Variants in NEBL observed in about 807,000 individuals in gnomAD.
The protein encoded by NEBL is LIM and SH3 protein 2.
In NEBL, 122 loss-of-function variants were observed where a neutral mutation model predicts 140.2. The observed-to-expected ratio is 0.87, with a 90% confidence interval of 0.75 to 1.01. The LOEUF is 1.01. NEBL is among the 50% of genes least tolerant of loss of function. The pLI, the probability that NEBL is intolerant of heterozygous loss-of-function variation, is 0.00. For missense variants in NEBL, 1,365 were observed against 1,231.3 expected, an observed-to-expected ratio of 1.11 and a Z score of -1.62; for synonymous variants, 436 against 398.9, an observed-to-expected ratio of 1.09 and a Z score of -1.11.
chr10:21,098,032 T>C (rs1261107303), intron 2 of NEBL, among the ~76,000 whole-genome samples: 1 of 152,156 alleles, frequency 6.6e-6, no homozygotes, highest in Non-Finnish European at 1.5e-5. Flanking sequence ...GGTAGCTAAG[T>C]GCTGATAACA....
chr10:20,816,310 A>G (rs569206493), intron 21 of NEBL, among the ~76,000 whole-genome samples: 2 of 152,338 alleles, frequency 1.3e-5, no homozygotes, highest in East Asian at 3.9e-4. Context: ...CTTCATGGAG[A>G]TTACTTAAAG....
intron 2 of NEBL, among the ~76,000 whole-genome samples, chr10:21,166,044 C>T (rs887803921): frequency 6.7e-6 from 1 of 148,556 alleles, no homozygotes; most frequent in African/African-American, 2.6e-5. Flanking sequence ...CATGGTGAAA[C>T]CCCGTCTCTA....
chr10:21,272,240 C>T (rs1036612981), intron 1 of NEBL, among the ~76,000 whole-genome samples: 2 of 145,910 alleles, frequency 1.4e-5, no homozygotes, highest in African/African-American at 5.0e-5. Context: ...GCTGGAATTA[C>T]AGGCGTAAGC....
intron 3 of NEBL, among the ~76,000 whole-genome samples, chr10:21,186,982 C>T (rs1343228568): frequency 7.2e-6 from 1 of 139,458 alleles, no homozygotes; most frequent in Non-Finnish European, 1.5e-5. Context: ...AGAGGGCCAA[C>T]TCTGTATGTG....
intron 3 of NEBL, among the ~76,000 whole-genome samples, chr10:21,210,814 C>G (rs752447525): frequency 6.6e-6 from 1 of 152,176 alleles, no homozygotes; most frequent in Non-Finnish European, 1.5e-5. Context: ...ATGTGACTGT[C>G]ATTATCTTCC....
At chr10:21,284,036 TAAA>T (rs5783774) in intron 1 of NEBL, among the ~76,000 whole-genome samples, 16 of 67,606 alleles carry the variant, frequency 2.4e-4, no homozygotes, top group Admixed American at 5.6e-4. Context: ...TAATCTGCAC[TAAA>T]AAAAAAAAAA....
intron 2 of NEBL, chr10:21,030,177 A>G: frequency 2.1e-6 from 1 of 487,498 alleles, no homozygotes; most frequent in South Asian, 1.9e-5. Flanking sequence ...TTGCAGCATC[A>G]GCTGGATGAG....
chr10:20,847,210 C>T (rs1842031202), intron 11 of NEBL, among the ~76,000 whole-genome samples: 1 of 152,078 alleles, frequency 6.6e-6, no homozygotes, highest in Non-Finnish European at 1.5e-5. Flanking sequence ...AGACTTTTAG[C>T]TACTTTATTT....
At chr10:21,137,070 G>T (rs1347541934) in intron 2 of NEBL, among the ~76,000 whole-genome samples, 1 of 152,196 alleles carries the variant, frequency 6.6e-6, no homozygotes, top group East Asian at 1.9e-4. Flanking sequence ...TATGCCATTT[G>T]TCTACAGGGA....
chr10:20,999,322 T>C (rs2131708028), intron 3 of NEBL, among the ~76,000 whole-genome samples: 1 of 152,284 alleles, frequency 6.6e-6, no homozygotes, highest in South Asian at 2.1e-4. Context: ...CCAGGCTGGA[T>C]GCAGTGGCTC....
chr10:20,901,091 A>G (rs1352909672), upstream of NEBL, among the ~76,000 whole-genome samples: 1 of 152,102 alleles, frequency 6.6e-6, no homozygotes, highest in Non-Finnish European at 1.5e-5. Flanking sequence ...TTCAACCACC[A>G]ATAAAGGTAC....
chr10:20,799,086 A>ATATGATTATG (rs1836846208), intron 26 of NEBL, among the ~76,000 whole-genome samples: 1 of 152,236 alleles, frequency 6.6e-6, no homozygotes, highest in African/African-American at 2.4e-5. Flanking sequence ...ATCATATGAT[A>ATATGATTATG]GCCTACACAT....
At chr10:21,167,011 C>A (rs904612644) in intron 2 of NEBL, among the ~76,000 whole-genome samples, 6 of 152,180 alleles carry the variant, frequency 3.9e-5, no homozygotes, top group African/African-American at 1.2e-4. Context: ...GAGTGACCAG[C>A]AGCGAAATGG....
intron 3 of NEBL, among the ~76,000 whole-genome samples, chr10:20,999,560 A>G (rs543367947): frequency 1.3e-5 from 2 of 152,292 alleles, no homozygotes; most frequent in Admixed American, 6.5e-5. Context: ...GATTGCATCA[A>G]TGCACTCCAG....
chr10:20,816,668 C>T (rs1193986236), intron 21 of NEBL, among the ~76,000 whole-genome samples: 1 of 152,142 alleles, frequency 6.6e-6, no homozygotes, highest in East Asian at 1.9e-4. Context: ...TTCCAAGTTT[C>T]CTCTTCCAAA....
intron 3 of NEBL, among the ~76,000 whole-genome samples, chr10:20,980,390 GAA>G (rs10715435): frequency 6.7e-6 from 1 of 149,046 alleles, no homozygotes; most frequent in African/African-American, 2.5e-5. Flanking sequence ...ACCAGAAAAA[GAA>G]AAAAAAATAT....
intron 2 of NEBL, chr10:21,020,263 C>T: frequency 7.0e-7 from 1 of 1,438,330 alleles, no homozygotes. Context: ...AACACTTTCA[C>T]ACCCATTGTT....
At chr10:20,896,653 TG>T (rs1222244161) in intron 2 of NEBL, among the ~76,000 whole-genome samples, 1 of 151,872 alleles carries the variant, frequency 6.6e-6, no homozygotes, top group Non-Finnish European at 1.5e-5. Context: ...TTAAAATCTT[TG>T]GGGGTTCTCA....
chr10:20,806,964 A>G (rs188135664), intron 26 of NEBL, among the ~76,000 whole-genome samples: 5 of 152,294 alleles, frequency 3.3e-5, no homozygotes, highest in African/African-American at 9.6e-5. Context: ...TTAAATATCA[A>G]TATTATTCTG....
Sources: allele counts gnomAD v4.1 joint callset (sites outside exome capture counted in the v4.1 genomes callset), GRCh38; gene constraint gnomAD v4.1.1; transcripts MANE v1.5; gene names NCBI Gene and HGNC (gene_info 2026-07-23, HGNC 2026-07-21).